Variants in KCNMB4 observed in about 807,000 individuals in gnomAD.
KCNMB4 encodes the protein potassium calcium-activated channel subfamily M regulatory beta subunit 4, also known as calcium-activated potassium channel subunit beta-4.
Under a neutral mutation model 20.7 loss-of-function variants are expected in KCNMB4, and 3 were observed. The ratio of observed to expected loss-of-function variants is 0.14; its 90% CI spans 0.07 to 0.37. The LOEUF is 0.37. Ranked by LOEUF, KCNMB4 falls within the 10% of genes least tolerant of loss-of-function variation. KCNMB4 has a pLI of 1.00. For synonymous variants in KCNMB4, 110 were observed against 113.4 expected (o/e 0.97, Z 0.19); for missense variants, 168 against 265.9 (o/e 0.63, Z 2.56).
chr12:70,374,504 C>A (rs570235493), intron 1 of KCNMB4, among the ~76,000 whole-genome samples: 1 of 152,260 alleles, frequency 6.6e-6, no homozygotes, highest in East Asian at 1.9e-4. Context: ...GTATTCTCTA[C>A]AACACATAAA....
chr12:70,401,689 G>A (rs1284847211), intron 2 of KCNMB4, among the ~76,000 whole-genome samples: 5 of 148,578 alleles, frequency 3.4e-5, no homozygotes, highest in Admixed American at 6.8e-5. Context: ...ATTTGTAGTC[G>A]GATGATGGCT....
intron 2 of KCNMB4, among the ~76,000 whole-genome samples, chr12:70,408,846 C>T (rs1236725961): frequency 6.6e-6 from 1 of 152,114 alleles, no homozygotes; most frequent in Admixed American, 6.5e-5. Flanking sequence ...CAGTCTTTCC[C>T]TGGCTTATTC....
intron 2 of KCNMB4, among the ~76,000 whole-genome samples, chr12:70,410,487 C>T (rs1007459163): frequency 2.0e-5 from 3 of 152,170 alleles, no homozygotes; most frequent in African/African-American, 4.8e-5. Flanking sequence ...CATCAAGCAT[C>T]GGGATTTACA....
Position 70,366,713 on chromosome 12 carries a change from C to G in KCNMB4, c.-22C>G. On this transcript the variant is annotated 5_prime_UTR_variant, in exon 1 of 3. Transcript: ENST00000258111. ...GCGGGAGGGGGCGGGGGGAGCACGC[C>G]AGCCGCCGAGAGTGGGGGGCGATGG... 1 of 1,528,676 alleles carries G rather than the reference C, an allele frequency of 6.5e-7. No individual in the cohort carries two copies. The highest frequency in any genetic ancestry group is 1.2e-5 in the South Asian group (1 of 81,730). The allele number at this position is 1,528,676 out of a possible 1,614,324, so 94.7% of individuals were successfully genotyped here.
At chr12:70,421,036 A>T (rs567786312) in intron 2 of KCNMB4, among the ~76,000 whole-genome samples, 54 of 147,072 alleles carry the variant, frequency 3.7e-4, no homozygotes, top group Non-Finnish European at 6.4e-4. Context: ...TGGGCGACGT[A>T]GCGAGACTCC....
Position 70,432,597 on chromosome 12 carries a change from C to T in KCNMB4, c.*1944C>T, listed in dbSNP as rs1185679499. 1 of 151,928 alleles carries T rather than the reference C, an allele frequency of 6.6e-6. No homozygotes were observed. Among genetic ancestry groups the T allele is most frequent in the Non-Finnish European group, 1.5e-5 (1 of 67,980 alleles). The allele number at this position is 151,928 out of a possible 1,614,324, so 9.4% of individuals were successfully genotyped here. ...GGCTCCAATAATTTTTTTTCTAATT[C>T]AAAAGTTACAGTTTCACTGTGAAAA... On this transcript the variant is annotated 3_prime_UTR_variant, in exon 3 of 3. Transcript: ENST00000258111.
intron 2 of KCNMB4, among the ~76,000 whole-genome samples, chr12:70,406,364 GGTGA>G (rs1034437600): frequency 2.0e-5 from 3 of 152,160 alleles, no homozygotes; most frequent in Non-Finnish European, 2.9e-5. Context: ...TTGGGGAGGA[GGTGA>G]GTAACTGAGG....
intron 1 of KCNMB4, among the ~76,000 whole-genome samples, chr12:70,382,227 C>T (rs1277334843): frequency 6.6e-6 from 1 of 151,604 alleles, no homozygotes; most frequent in Non-Finnish European, 1.5e-5. Flanking sequence ...GGGCGGATCA[C>T]GAGGTCAGGA....
chr12:70,407,065 C>T (rs1047212641), intron 2 of KCNMB4, among the ~76,000 whole-genome samples: 6 of 152,118 alleles, frequency 3.9e-5, no homozygotes, highest in African/African-American at 1.4e-4. Flanking sequence ...CACAAGATGA[C>T]CCCCACTTCA....
At chr12:70,404,826 T>C (rs1178802373) in intron 2 of KCNMB4, among the ~76,000 whole-genome samples, 1 of 152,164 alleles carries the variant, frequency 6.6e-6, no homozygotes, top group Non-Finnish European at 1.5e-5. Flanking sequence ...ACACAGACTT[T>C]TAAGTTGAGG....
At chr12:70,419,763 A>G (rs1413866373) in intron 2 of KCNMB4, among the ~76,000 whole-genome samples, 1 of 152,210 alleles carries the variant, frequency 6.6e-6, no homozygotes, top group Non-Finnish European at 1.5e-5. Flanking sequence ...TCAAAGATGT[A>G]TTACAAAGAC....
intron 1 of KCNMB4, among the ~76,000 whole-genome samples, chr12:70,380,315 C>T (rs1458575995): frequency 6.6e-6 from 1 of 152,106 alleles, no homozygotes; most frequent in East Asian, 1.9e-4. Context: ...TTTGTGGCAT[C>T]CCCAAAGCAA....
At chr12:70,422,854 G>A in intron 2 of KCNMB4, 3 of 1,202,476 alleles carry the variant, frequency 2.5e-6, no homozygotes, top group Middle Eastern at 2.3e-4. Flanking sequence ...CACAGTGTGA[G>A]TAAAACCTTT....
chr12:70,367,150 G>C (rs1883509640), intron 1 of KCNMB4, 80 bp downstream of exon 1: 1 of 1,185,414 alleles, frequency 8.4e-7, no homozygotes, highest in Non-Finnish European at 1.2e-6. Flanking sequence ...CGCGCGGGGA[G>C]GGTTCGGCGT....
intron 2 of KCNMB4, among the ~76,000 whole-genome samples, chr12:70,413,958 G>A (rs1868851035): frequency 6.6e-6 from 1 of 152,200 alleles, no homozygotes; most frequent in African/African-American, 2.4e-5. Flanking sequence ...TTTGGGCTGG[G>A]TGCGGTGGCT....
At chr12:70,429,819 A>C (rs141786301) in intron 2 of KCNMB4, among the ~76,000 whole-genome samples, 42 of 152,318 alleles carry the variant, frequency 2.8e-4, no homozygotes, top group African/African-American at 1.0e-3. Flanking sequence ...CACATTGACA[A>C]GACAGAAATC....
chr12:70,372,413 G>A (rs889783145), intron 1 of KCNMB4, among the ~76,000 whole-genome samples: 2 of 152,216 alleles, frequency 1.3e-5, no homozygotes, highest in African/African-American at 4.8e-5. Context: ...TCTGACTTGT[G>A]CAGTGAGAGG....
chr12:70,420,676 A>T lies in KCNMB4; in HGVS notation c.465-9809A>T, dbSNP rs1869027188. Among the ~76,000 whole-genome samples, 2 of 152,234 alleles carry T rather than the reference A, an allele frequency of 1.3e-5. 1 individual carries two copies. Among genetic ancestry groups the T allele is most frequent in the Admixed American group, 1.3e-4 (2 of 15,286 alleles). On this transcript the variant is annotated intron_variant, in intron 2 of 2. Transcript: ENST00000258111. ...TTAAGCTACTAGAGCAGCAATAGGA[A>T]ATAGATACAGGCAGTAATTTGCAGA...
rs772056073 is a variant in KCNMB4 at position 70,366,730 on chromosome 12, G to T, written c.-5G>T. Reference sequence around the variant, plus strand: ...GAGCACGCCAGCCGCCGAGAGTGGGGGGCGATGGCGAAGCTCCGGGTGGCT... The same window carrying T: ...GAGCACGCCAGCCGCCGAGAGTGGGTGGCGATGGCGAAGCTCCGGGTGGCT... On this transcript the variant is annotated 5_prime_UTR_variant, in exon 1 of 3. Coordinates refer to ENST00000258111, the MANE Select transcript of KCNMB4 (RefSeq NM_014505.6). The T allele has an allele frequency of 5.1e-6, 8 of 1,575,862 alleles. No individual in the cohort carries two copies. The highest frequency in any genetic ancestry group is 3.4e-6 in the Non-Finnish European group (4 of 1,162,882).
Sources: allele counts gnomAD v4.1 joint callset (sites outside exome capture counted in the v4.1 genomes callset), GRCh38; gene constraint gnomAD v4.1.1; transcripts MANE v1.5; gene names NCBI Gene and HGNC (gene_info 2026-07-23, HGNC 2026-07-21).